PDHA1: variants seen among roughly 807,000 people sequenced by gnomAD.
PDHA1 encodes pyruvate dehydrogenase E1 subunit alpha 1.
In PDHA1, 1 loss-of-function variant was observed where a neutral mutation model predicts 33.0. The observed-to-expected ratio is 0.03, with a 90% confidence interval of 0.01 to 0.14. The LOEUF is 0.14. Among genes scored for constraint, PDHA1 ranks in the 10% least tolerant of loss-of-function variants. PDHA1 has a pLI of 1.00. For synonymous variants in PDHA1, 123 were observed against 119.2 expected, an observed-to-expected ratio of 1.03 and a Z score of -0.21; for missense variants, 168 against 325.1, an observed-to-expected ratio of 0.52 and a Z score of 3.72.
Position 19,354,474 on chromosome X carries a change from G to A in PDHA1, c.511-17G>A. 9.4e-7 allele frequency: 1 copy of A among 1,060,561 alleles called. No homozygotes were observed. The allele number at this position is 1,060,561 out of a possible 1,213,427, so 87.4% of individuals were successfully genotyped here. A position where few individuals can be genotyped will look rare whatever the true frequency, so the allele number is the denominator to read the frequency against. On this transcript the variant is annotated splice_polypyrimidine_tract_variant and intron_variant, in intron 5 of 10. Coordinates refer to ENST00000422285, the MANE Select transcript of PDHA1 (RefSeq NM_000284.4). ...ATGGATTTCTGTGGTTCCTTTCTCG[G>A]TTGTCCTTAATGTTAGGTGCCCCTG...
In PDHA1 at chrX:19,355,671, CCT is replaced by C. The variant is rs760402170; in HGVS notation, c.760-14_760-13del. The C allele has an allele frequency of 2.4e-5, 29 of 1,194,130 alleles. No individual in the cohort carries two copies. In the Admixed American group the frequency reaches 3.9e-4, roughly 16 times the overall value. On this transcript the variant is annotated splice_polypyrimidine_tract_variant and intron_variant, in intron 7 of 10. Transcript: ENST00000422285. ...AGTTGGATTCATGCTTCGCCCCTCC[CCT>C]GTTTATTACCAGGTGGATGGAATGG...
chrX:19,353,982 T>G (rs1014973589), intron 5 of PDHA1, among the ~76,000 whole-genome samples: 9 of 111,431 alleles, frequency 8.1e-5, no homozygotes, highest in African/African-American at 9.8e-5. Flanking sequence ...GGAGTCTTGC[T>G]CAGCCGCCCA....
intron 1 of PDHA1, among the ~76,000 whole-genome samples, chrX:19,346,018 A>T (rs2063130866): frequency 8.9e-6 from 1 of 112,077 alleles, no homozygotes; most frequent in Admixed American, 9.5e-5. Flanking sequence ...ATACTTATGG[A>T]TGTCTTTTTA....
intron 6 of PDHA1, 131 bp downstream of exon 6, chrX:19,354,714 G>A: frequency 1.5e-5 from 8 of 537,198 alleles, no homozygotes. Context: ...GCTCAAATTT[G>A]GTTGACTTAT....
At chrX:19,354,055 C>T (rs1204181940) in intron 5 of PDHA1, among the ~76,000 whole-genome samples, 1 of 111,399 alleles carries the variant, frequency 9.0e-6, no homozygotes, top group Non-Finnish European at 1.9e-5. Flanking sequence ...AAGCAATTCT[C>T]CTGCCTCAGC....
chrX:19,346,732 T>C (rs1422594863), intron 1 of PDHA1: 1 of 486,717 alleles, frequency 2.1e-6, no homozygotes, highest in East Asian at 4.6e-5. Flanking sequence ...TTGAATAAGG[T>C]TTATAGTTTT....
intron 3 of PDHA1, among the ~76,000 whole-genome samples, chrX:19,350,793 C>T (rs1244812709): frequency 1.8e-5 from 2 of 111,515 alleles, no homozygotes. Flanking sequence ...GAGTCAAATA[C>T]CTACAAGGGC....
Position 19,349,334 on chromosome X carries a change from C to T in PDHA1, c.80C>T (p.Ser27Phe). 8.4e-7 allele frequency: 1 copy of T among 1,191,552 alleles called. No homozygotes were observed. Among genetic ancestry groups the T allele is most frequent in the Non-Finnish European group, 1.1e-6 (1 of 877,498 alleles). ...AAGGCAAGCAGAGTGCTGGTAGCAT[C>T]CCGTAATTTTGCAAATGATGCTACA... Reference protein sequence around the residue: ...QKPASRVLVASRNFANDATFE... With the variant: ...QKPASRVLVAFRNFANDATFE... Residue 27 changes from serine (S) to phenylalanine (F), a missense_variant, in exon 2 of 11, where the codon TCC becomes TTC. Transcript: ENST00000422285.
Position 19,359,825 on chromosome X carries a change from A to AAAAGATGAATTATT in PDHA1, c.*173_*186dup. 1 of 500,225 alleles carries AAAAGATGAATTATT rather than the reference A, an allele frequency of 2.0e-6. No homozygotes were observed. The allele number at this position is 500,225 out of a possible 1,213,427, so 41.2% of individuals were successfully genotyped here. ...CATGCAGTTTGTACATTAGTGCATTAAAAGATGAATTATTGAGTGCTTAAA... is the reference window on the plus strand; with the variant it reads ...CATGCAGTTTGTACATTAGTGCATTAAAAGATGAATTATTAAAGATGAATTATTGAGTGCTTAAA... On this transcript the variant is annotated 3_prime_UTR_variant, in exon 11 of 11. Transcript: ENST00000422285.
chrX:19,346,862 T>C (rs1295982494), intron 1 of PDHA1, among the ~76,000 whole-genome samples: 1 of 112,798 alleles, frequency 8.9e-6, no homozygotes, highest in Non-Finnish European at 1.9e-5. Context: ...TTATAAGTGG[T>C]AGGTAAGAGT....
intron 9 of PDHA1, 46 bp from the exon 10 acceptor site, chrX:19,358,870 C>CT: frequency 1.4e-6 from 1 of 739,432 alleles, no homozygotes; most frequent in Non-Finnish European, 2.1e-6. Flanking sequence ...CCTTGCTCTA[C>CT]TGGAACTGCT....
At chrX:19,356,681 A>AGG (rs1569192208) in intron 8 of PDHA1, among the ~76,000 whole-genome samples, 11 of 100,333 alleles carry the variant, frequency 1.1e-4, no homozygotes, top group African/African-American at 4.3e-4. Context: ...GGGGAGTTGT[A>AGG]GAATGTAGTT....
intron 5 of PDHA1, 56 bp downstream of exon 5, chrX:19,353,229 CAA>C (rs1322756461): frequency 1.1e-6 from 1 of 951,076 alleles, no homozygotes. Context: ...ACTTTGTCTT[CAA>C]AAACTTTCAC....
Position 19,360,666 on chromosome X carries a change from C to T in PDHA1, c.*1013C>T, listed in dbSNP as rs1042456. ...GGCATTTTTAAATATGTAAACACAG[C>T]GGAATTCGTGTATACACTAACAGAA... is the stretch of plus-strand genomic sequence containing the variant. On this transcript the variant is annotated 3_prime_UTR_variant, in exon 11 of 11. Coordinates refer to ENST00000422285, the MANE Select transcript of PDHA1 (RefSeq NM_000284.4). The T allele has an allele frequency of 3.4e-5, 24 of 709,556 alleles. No homozygotes were observed. The highest frequency in any genetic ancestry group is 4.7e-5 in the South Asian group (2 of 42,383). The allele number at this position is 709,556 out of a possible 1,213,427, so 58.5% of individuals were successfully genotyped here. A position where few individuals can be genotyped will look rare whatever the true frequency, so the allele number is the denominator to read the frequency against.
At position 19,360,517 on chromosome X, in the gene PDHA1, G is replaced by A. The variant is rs192450087; in HGVS notation, c.*864G>A. 8.0e-4 allele frequency: 246 copies of A among 307,290 alleles called. No homozygotes were observed. The highest frequency in any genetic ancestry group is 6.1e-3 in the African/African-American group (219 of 35,922). 25.3% of individuals were successfully genotyped at this position (307,290 alleles called of 1,213,427 possible). ...CTACAAGTGAATTTCCTAATATTCC[G>A]GGAGGTCAAAACCAAGGCTCACTGT... is the stretch of plus-strand genomic sequence containing the variant. On this transcript the variant is annotated 3_prime_UTR_variant, in exon 11 of 11. Coordinates refer to ENST00000422285, the MANE Select transcript of PDHA1 (RefSeq NM_000284.4).
In PDHA1 at chrX:19,359,729, C is replaced by A; in HGVS notation, c.*76C>A. 1 of 955,944 alleles carries A rather than the reference C, an allele frequency of 1.0e-6. No homozygotes were observed. The highest frequency in any genetic ancestry group is 1.5e-6 in the Non-Finnish European group (1 of 666,415). 78.8% of individuals were successfully genotyped at this position (955,944 alleles called of 1,213,427 possible). On this transcript the variant is annotated 3_prime_UTR_variant, in exon 11 of 11. Transcript: ENST00000422285. ...TCAACTTGGTTAAGGAGGAAGAAAA[C>A]CCAGTCAATGAAATTCAATGAAATT... is the stretch of plus-strand genomic sequence containing the variant.
chrX:19,351,457 A>G (rs1359368025), intron 4 of PDHA1, 50 bp downstream of exon 4: 2 of 1,049,537 alleles, frequency 1.9e-6, no homozygotes, highest in South Asian at 3.9e-5. Flanking sequence ...AAGTTTTTAA[A>G]TATCTGTCAT....
At chrX:19,351,877 C>T (rs1366224290) in intron 4 of PDHA1, among the ~76,000 whole-genome samples, 1 of 101,527 alleles carries the variant, frequency 9.8e-6, no homozygotes, top group African/African-American at 3.8e-5. Flanking sequence ...CGGCTCACTG[C>T]AACCTCCACC....
chrX:19,344,690 A>G (rs1221705657), intron 1 of PDHA1, among the ~76,000 whole-genome samples: 1 of 56,243 alleles, frequency 1.8e-5, no homozygotes, highest in Non-Finnish European at 3.6e-5. Flanking sequence ...GGAGATAATA[A>G]GAGTCCCCAC....
Sources: allele counts gnomAD v4.1 joint callset (sites outside exome capture counted in the v4.1 genomes callset), GRCh38; gene constraint gnomAD v4.1.1; transcripts MANE v1.5; gene names NCBI Gene and HGNC (gene_info 2026-07-23, HGNC 2026-07-21).